The following PCDH9 variants were observed in gnomAD, a reference collection of about 807,000 sequenced individuals.
The protein encoded by PCDH9 is protocadherin-9.
A neutral mutation model predicts 70.6 loss-of-function variants in PCDH9; 24 were observed. The ratio of observed to expected loss-of-function variants is 0.34; its 90% confidence interval spans 0.25 to 0.48. The LOEUF is 0.48. Ranked by LOEUF, PCDH9 falls within the 20% of genes least tolerant of loss-of-function variation. PCDH9 has a pLI of 0.99. For missense variants in PCDH9, 1,281 were observed against 1,503.6 expected (o/e 0.85, Z 2.45); for synonymous variants, 562 against 558.5 (o/e 1.01, Z -0.09).
chr13:66,939,703 T>A (rs911572315), intron 2 of PCDH9, among the ~76,000 whole-genome samples: 2 of 151,880 alleles, frequency 1.3e-5, no homozygotes, highest in Non-Finnish European at 2.9e-5. Flanking sequence ...CAGGCATGAG[T>A]CACCATGCCT....
At chr13:66,769,116 A>T (rs1399095793) in intron 3 of PCDH9, among the ~76,000 whole-genome samples, 1 of 152,126 alleles carries the variant, frequency 6.6e-6, no homozygotes, top group Non-Finnish European at 1.5e-5. Flanking sequence ...TAAAAATATC[A>T]TCTTTATTAA....
chr13:66,795,810 T>C (rs1250123738), intron 3 of PCDH9, among the ~76,000 whole-genome samples: 2 of 152,176 alleles, frequency 1.3e-5, no homozygotes, highest in African/African-American at 2.4e-5. Context: ...ACTTTTACTG[T>C]GGCTATAAAA....
At chr13:66,635,885 G>A (rs1398907886) in intron 3 of PCDH9, among the ~76,000 whole-genome samples, 1 of 152,094 alleles carries the variant, frequency 6.6e-6, no homozygotes, top group Non-Finnish European at 1.5e-5. Flanking sequence ...ACAGTAAAAT[G>A]TCTAATAGAT....
chr13:66,622,942 G>T (rs1450203646), intron 4 of PCDH9, among the ~76,000 whole-genome samples: 1 of 152,068 alleles, frequency 6.6e-6, no homozygotes, highest in Non-Finnish European at 1.5e-5. Context: ...GCGAGACCAC[G>T]AACGCACCGG....
chr13:66,514,526 G>T (rs575553141), intron 4 of PCDH9, among the ~76,000 whole-genome samples: 2 of 151,316 alleles, frequency 1.3e-5, no homozygotes, highest in African/African-American at 4.8e-5. Context: ...AAAATAGGTT[G>T]CTGAGTGTAA....
At chr13:66,814,770 A>T (rs552898336) in intron 3 of PCDH9, among the ~76,000 whole-genome samples, 1 of 152,294 alleles carries the variant, frequency 6.6e-6, no homozygotes, top group African/African-American at 2.4e-5. Flanking sequence ...AAGATATATT[A>T]AAGACTTAAA....
chr13:67,026,465 TG>T (rs938858818), intron 2 of PCDH9, among the ~76,000 whole-genome samples: 37 of 152,070 alleles, frequency 2.4e-4, no homozygotes, highest in Non-Finnish European at 4.9e-4. Flanking sequence ...TCATACTGAA[TG>T]GGCAAAAACT....
At chr13:66,622,269 A>G (rs1244823371) in intron 4 of PCDH9, among the ~76,000 whole-genome samples, 2 of 152,088 alleles carry the variant, frequency 1.3e-5, no homozygotes, top group Admixed American at 1.3e-4. Context: ...AGCCTACCCT[A>G]CGAGTGCAGC....
At chr13:66,730,560 A>G (rs2079059070) in intron 3 of PCDH9, among the ~76,000 whole-genome samples, 1 of 152,118 alleles carries the variant, frequency 6.6e-6, no homozygotes, top group Non-Finnish European at 1.5e-5. Flanking sequence ...ACTGTATACT[A>G]TACAATCACT....
chr13:66,786,262 C>A lies in PCDH9; in HGVS notation c.3138+117242G>T, dbSNP rs1224870364. Among the ~76,000 whole-genome samples the A allele has an allele frequency of 3.3e-5, 5 of 152,280 alleles. No homozygotes were observed. The East Asian group carries it at 9.7e-4, about 29-fold the overall frequency. On this transcript the variant is annotated intron_variant, in intron 3 of 4. Coordinates refer to ENST00000377865, the MANE Select transcript of PCDH9 (RefSeq NM_203487.3). ...ATCAAGGAAAGCTAGGCACAATTCC[C>A]TTGAGAAAGCAATTTCTCATGAGAA...
At chr13:66,833,769 T>C (rs1026827543) in intron 3 of PCDH9, among the ~76,000 whole-genome samples, 2 of 152,218 alleles carry the variant, frequency 1.3e-5, no homozygotes, top group East Asian at 1.9e-4. Context: ...TATGAGTATA[T>C]GATCATTAGT....
intron 4 of PCDH9, among the ~76,000 whole-genome samples, chr13:66,478,202 A>G (rs982533562): frequency 1.3e-5 from 2 of 152,148 alleles, no homozygotes; most frequent in African/African-American, 2.4e-5. Context: ...CCATGCCCAT[A>G]TTAGACAGTG....
At chr13:66,874,236 A>G (rs1205065739) in intron 3 of PCDH9, among the ~76,000 whole-genome samples, 1 of 152,212 alleles carries the variant, frequency 6.6e-6, no homozygotes, top group African/African-American at 2.4e-5. Flanking sequence ...GGATTATAAT[A>G]GATTATGACA....
intron 2 of PCDH9, among the ~76,000 whole-genome samples, chr13:67,023,764 AAAAG>A (rs1333670409): frequency 1.3e-5 from 2 of 152,218 alleles, no homozygotes; most frequent in Admixed American, 6.5e-5. Flanking sequence ...ACAGGAAGAA[AAAAG>A]AAAGAAAGAA....
chr13:66,728,153 T>A (rs1225122998), intron 3 of PCDH9, among the ~76,000 whole-genome samples: 1 of 152,184 alleles, frequency 6.6e-6, no homozygotes, highest in African/African-American at 2.4e-5. Flanking sequence ...TAAAGACATC[T>A]CAATGCTATT....
At chr13:66,983,429 T>C (rs1594348739) in intron 2 of PCDH9, among the ~76,000 whole-genome samples, 1 of 152,122 alleles carries the variant, frequency 6.6e-6, no homozygotes, top group Non-Finnish European at 1.5e-5. Context: ...TCATTTCCAA[T>C]TCATGAAAAA....
chr13:66,799,317 C>A (rs893942825), intron 3 of PCDH9, among the ~76,000 whole-genome samples: 3 of 152,108 alleles, frequency 2.0e-5, no homozygotes, highest in Non-Finnish European at 2.9e-5. Flanking sequence ...AAGCAGTCAG[C>A]CTGTTGTGGG....
chr13:66,967,079 C>A (rs1030792965), intron 2 of PCDH9, among the ~76,000 whole-genome samples: 9 of 151,974 alleles, frequency 5.9e-5, no homozygotes, highest in Non-Finnish European at 1.3e-4. Flanking sequence ...TAGCTCCCAA[C>A]CTGAAAATTG....
chr13:66,408,104 T>A (rs1343881381), intron 4 of PCDH9, among the ~76,000 whole-genome samples: 3 of 146,130 alleles, frequency 2.1e-5, no homozygotes, highest in Non-Finnish European at 4.5e-5. Context: ...CAGGCCGGAC[T>A]GCGGACTGCA....
Sources: gnomAD v4.1 joint callset for allele counts (sites outside exome capture counted in the v4.1 genomes callset) on GRCh38, gnomAD v4.1.1 for gene constraint, MANE v1.5 for transcripts, NCBI Gene and HGNC (gene_info 2026-07-23, HGNC 2026-07-21) for gene names.